ABCA5: variants seen among roughly 807,000 people sequenced by gnomAD.
ABCA5 encodes ATP binding cassette subfamily A member 5, also known as cholesterol transporter ABCA5.
A neutral mutation model predicts 206.0 loss-of-function variants in ABCA5; 163 were observed. The ratio of observed to expected loss-of-function variants is 0.79; its 90% CI spans 0.70 to 0.90. ABCA5 has a LOEUF of 0.90. Ranked by LOEUF, ABCA5 falls within the 40% of genes least tolerant of loss-of-function variation. The pLI is 0.00. For synonymous variants in ABCA5, 609 were observed against 613.8 expected (o/e 0.99, Z 0.11); for missense variants, 1,859 against 1,912.9 (o/e 0.97, Z 0.53).
At position 69,259,701 on chromosome 17, in the gene ABCA5, C is replaced by G. The variant is rs1432175872; in HGVS notation, c.3731+5G>C. 5.1e-6 allele frequency: 8 copies of G among 1,572,402 alleles called. No individual in the cohort carries two copies. The Admixed American group carries it at 1.2e-4, about 24-fold the overall frequency. On this transcript the variant is annotated splice_donor_5th_base_variant and intron_variant, in intron 28 of 38. Transcript: ENST00000392676. ...ACATTTAAAATTTTTAAAAAATCAA[C>G]TGACCTGAAAAAGGGATCTTTTCTT...
chr17:69,287,956 T>G (rs542887423), intron 14 of ABCA5, among the ~76,000 whole-genome samples: 9 of 152,280 alleles, frequency 5.9e-5, no homozygotes, highest in African/African-American at 2.2e-4. Flanking sequence ...CAGGTTTAAT[T>G]CTAAAAGACT....
chr17:69,259,691 A>T lies in ABCA5; in HGVS notation c.3731+15T>A, dbSNP rs1237108255. 1.9e-6 allele frequency: 3 copies of T among 1,540,350 alleles called. No homozygotes were observed. The highest frequency in any genetic ancestry group is 1.8e-4 in the Middle Eastern group (1 of 5,580). Reference sequence around the variant, plus strand: ...TATACTAAAAACATTTAAAATTTTTAAAAAATCAACTGACCTGAAAAAGGG... The same window carrying T: ...TATACTAAAAACATTTAAAATTTTTTAAAAATCAACTGACCTGAAAAAGGG... On this transcript the variant is annotated intron_variant, in intron 28 of 38. Coordinates refer to ENST00000392676, the MANE Select transcript of ABCA5 (RefSeq NM_172232.4).
rs766831884 is a variant in ABCA5, at chr17:69,309,329, G to T, written c.402C>A (p.Ser134=). Residue 134 remains serine (S), a synonymous_variant, in exon 4 of 39, where the codon TCC becomes TCA. Transcript: ENST00000392676. ...GAAAAAAACGAAGTTCATAGGACAT[G>T]GAGTCTTTGAAAACCACACCTACAA... ...SNFVGVVFKD[S]MSYELRFFPD... The T allele has an allele frequency of 3.7e-6, 6 of 1,606,908 alleles. No individual in the cohort carries two copies. Among genetic ancestry groups the T allele is most frequent in the African/African-American group, 1.3e-5 (1 of 74,360 alleles).
chr17:69,265,261 A>G (rs1178093812), intron 23 of ABCA5, among the ~76,000 whole-genome samples: 1 of 152,162 alleles, frequency 6.6e-6, no homozygotes, highest in African/African-American at 2.4e-5. Flanking sequence ...TACTGTGGAA[A>G]CAGATGGGAA....
At chr17:69,250,280 T>C (rs1261113004) in intron 36 of ABCA5, among the ~76,000 whole-genome samples, 192 bp downstream of exon 36, 1 of 151,816 alleles carries the variant, frequency 6.6e-6, no homozygotes, top group Non-Finnish European at 1.5e-5. Flanking sequence ...CAGAGAGAGA[T>C]ATATAAATTA....
chr17:69,289,772 AT>A, intron 13 of ABCA5, 89 bp downstream of exon 13: 1 of 1,021,150 alleles, frequency 9.8e-7, no homozygotes, highest in Non-Finnish European at 1.4e-6. Context: ...TTATATTTAG[AT>A]TTTCAAGCAT....
chr17:69,269,660 T>C (rs2075250463), intron 22 of ABCA5, among the ~76,000 whole-genome samples: 1 of 152,212 alleles, frequency 6.6e-6, no homozygotes, highest in Non-Finnish European at 1.5e-5. Flanking sequence ...CATCAACTGA[T>C]GAACAGATAA....
chr17:69,308,426 T>C, intron 4 of ABCA5, 58 bp from the exon 5 acceptor site: 2 of 1,186,558 alleles, frequency 1.7e-6, no homozygotes, highest in South Asian at 2.5e-5. Flanking sequence ...TGCATCGTTT[T>C]AAAGATATTA....
rs757213155 is a variant in ABCA5 at position 69,286,228 on chromosome 17, G to A, written c.2125C>T (p.Arg709Cys). ...AATAAAAATGAATGATACCTCAGGC[G>A]GTAGCCGATCCCCCATTTACTTTTG... is the stretch of plus-strand genomic sequence containing the variant. ...FLKSKWGIGY[R>C]LSMYIDKYCA... The change falls in exon 16 of 39, where the codon CGC (arginine) becomes TGC (cysteine). Residue 709 changes from arginine to cysteine, a missense_variant. Physicochemically the swap from Arg to Cys is radical, Grantham distance 180. Transcript: ENST00000392676. The A allele has an allele frequency of 1.7e-5, 28 of 1,602,076 alleles. No homozygotes were observed. Among genetic ancestry groups the A allele is most frequent in the African/African-American group, 1.2e-4 (9 of 73,886 alleles).
At chr17:69,276,888 T>C (rs748837450) in intron 19 of ABCA5, among the ~76,000 whole-genome samples, 2 of 152,236 alleles carry the variant, frequency 1.3e-5, no homozygotes, top group African/African-American at 4.8e-5. Context: ...AGATACGTGA[T>C]TGACATTTGT....
At chr17:69,255,497 C>A (rs189978317) in intron 31 of ABCA5, 46 bp downstream of exon 31, 3 of 1,151,132 alleles carry the variant, frequency 2.6e-6, no homozygotes, top group East Asian at 2.8e-5. Context: ...TGTTAATTAA[C>A]AATATAAATC....
intron 14 of ABCA5, 117 bp from the exon 15 acceptor site, chr17:69,287,868 AT>A: frequency 1.0e-6 from 1 of 956,416 alleles, no homozygotes; most frequent in Non-Finnish European, 1.4e-6. Flanking sequence ...TCAGAAATAT[AT>A]TAGATCAGAT....
intron 19 of ABCA5, among the ~76,000 whole-genome samples, chr17:69,276,450 T>C (rs546400169): frequency 6.6e-6 from 1 of 152,200 alleles, no homozygotes; most frequent in African/African-American, 2.4e-5. Context: ...GTGGCACATA[T>C]ACACCATGGA....
chr17:69,253,204 C>T (rs2075036400), intron 34 of ABCA5, among the ~76,000 whole-genome samples: 1 of 152,146 alleles, frequency 6.6e-6, no homozygotes, highest in Non-Finnish European at 1.5e-5. Flanking sequence ...TTAGGCAATG[C>T]ATGACTGTCC....
chr17:69,315,707 C>T (rs2075809859), intron 1 of ABCA5, among the ~76,000 whole-genome samples: 1 of 147,570 alleles, frequency 6.8e-6, no homozygotes, highest in South Asian at 2.4e-4. Context: ...TGCTTGAACC[C>T]GGGAGGCGGA....
rs147049104 is a variant in ABCA5, at chr17:69,318,438, T to C, written c.-15-4008A>G. 5.2e-3 allele frequency among the ~76,000 whole-genome samples: 788 copies of C among 152,262 alleles called. 13 individuals carry two copies. The highest frequency in any genetic ancestry group is 0.018 in the African/African-American group (727 of 41,542). ...GTTTGTCTTTTCCAGTAAATATATA[T>C]AATTAAAGTTTGGCTTAAATGAGCA... On this transcript the variant is annotated intron_variant, in intron 1 of 38. Coordinates refer to ENST00000392676, the MANE Select transcript of ABCA5 (RefSeq NM_172232.4).
intron 18 of ABCA5, among the ~76,000 whole-genome samples, chr17:69,282,668 C>T (rs2075407931): frequency 6.6e-6 from 1 of 150,452 alleles, no homozygotes; most frequent in Non-Finnish European, 1.5e-5. Context: ...GTTTGGGAGG[C>T]TGAGGCAGCA....
intron 24 of ABCA5, among the ~76,000 whole-genome samples, chr17:69,264,210 T>C (rs2075182801): frequency 6.6e-6 from 1 of 152,192 alleles, no homozygotes; most frequent in Non-Finnish European, 1.5e-5. Context: ...ATCTCTGAAT[T>C]CCTTCACCAA....
At position 69,246,162 on chromosome 17, in the gene ABCA5, C is replaced by T. The variant is rs186027227; in HGVS notation, c.*1375G>A. 4.6e-5 allele frequency: 7 copies of T among 151,978 alleles called. No homozygotes were observed. The highest frequency in any genetic ancestry group is 1.7e-4 in the African/African-American group (7 of 41,538). 9.4% of individuals were successfully genotyped at this position (151,978 alleles called of 1,614,324 possible). ...CTAAAATCACAGATGTCTTATTACA[C>T]AATAAAGCTAAAAGTTCATTAAATT... On this transcript the variant is annotated 3_prime_UTR_variant, in exon 39 of 39. Coordinates refer to ENST00000392676, the MANE Select transcript of ABCA5 (RefSeq NM_172232.4).
Sources: allele counts gnomAD v4.1 joint callset (sites outside exome capture counted in the v4.1 genomes callset), GRCh38; gene constraint gnomAD v4.1.1; transcripts MANE v1.5; gene names NCBI Gene and HGNC (gene_info 2026-07-23, HGNC 2026-07-21).